HAT1: variants seen among roughly 807,000 people sequenced by gnomAD.
HAT1 encodes the protein histone acetyltransferase 1, also known as histone acetyltransferase type B catalytic subunit.
HAT1 carries 20 observed loss-of-function variants against 56.6 expected under a neutral mutation model. The observed-to-expected ratio is 0.35, with a 90% CI of 0.25 to 0.51. HAT1 has a LOEUF of 0.51. Ranked by LOEUF, HAT1 falls within the 20% of genes least tolerant of loss-of-function variation. The pLI, the probability that HAT1 is intolerant of heterozygous loss-of-function variation, is 0.95. For synonymous variants in HAT1, 146 were observed against 165.5 expected, an observed-to-expected ratio of 0.88 and a Z score of 0.91; for missense variants, 408 against 504.3, an observed-to-expected ratio of 0.81 and a Z score of 1.83.
intron 2 of HAT1, among the ~76,000 whole-genome samples, chr2:171,926,433 A>G (rs1182372838): frequency 2.0e-5 from 3 of 152,322 alleles, no homozygotes; most frequent in South Asian, 2.1e-4. Context: ...AGCTGGGATT[A>G]CAGGCATGCG....
At chr2:171,938,076 T>TCTCTCTCTCTCTCTC (rs1574039412) in intron 2 of HAT1, among the ~76,000 whole-genome samples, 1 of 63,654 alleles carries the variant, frequency 1.6e-5, no homozygotes, top group Non-Finnish European at 3.2e-5. Flanking sequence ...CTCTCTCTCT[T>TCTCTCTCTCTCTCTC]TAAATGAACT....
chr2:171,962,411 T>C (rs2105332819), intron 4 of HAT1, among the ~76,000 whole-genome samples: 1 of 152,356 alleles, frequency 6.6e-6, no homozygotes, highest in South Asian at 2.1e-4. Context: ...GTTTCTTTTT[T>C]TGAGACGGAG....
intron 8 of HAT1, among the ~76,000 whole-genome samples, chr2:171,972,933 C>T (rs890207933): frequency 4.6e-5 from 7 of 152,184 alleles, no homozygotes; most frequent in African/African-American, 1.7e-4. Context: ...TTGAAATCTC[C>T]TTTGGCCTGC....
chr2:171,969,547 GCTTAT>G (rs1468928343), intron 8 of HAT1, among the ~76,000 whole-genome samples: 1 of 152,052 alleles, frequency 6.6e-6, no homozygotes, highest in East Asian at 1.9e-4. Context: ...TAAATATGTT[GCTTAT>G]CTTTGTAGCA....
At chr2:171,966,556 G>T (rs768149634) in intron 7 of HAT1, 43 bp downstream of exon 7, 1 of 892,218 alleles carries the variant, frequency 1.1e-6, no homozygotes, top group Non-Finnish European at 1.9e-6. Context: ...TATTTCAGAA[G>T]AAGGAACTGC....
chr2:171,982,116 G>A (rs937275959), intron 10 of HAT1, among the ~76,000 whole-genome samples: 1 of 152,082 alleles, frequency 6.6e-6, no homozygotes, highest in African/African-American at 2.4e-5. Flanking sequence ...GTTCATAAGT[G>A]CAAGTATTTT....
At chr2:171,958,244 A>G (rs1687492587) in intron 4 of HAT1, among the ~76,000 whole-genome samples, 1 of 152,010 alleles carries the variant, frequency 6.6e-6, no homozygotes, top group African/African-American at 2.4e-5. Context: ...ATATAATAAT[A>G]TCCTGATTAA....
chr2:171,975,686 G>A (rs1272613032), intron 8 of HAT1, among the ~76,000 whole-genome samples: 2 of 151,888 alleles, frequency 1.3e-5, no homozygotes, highest in South Asian at 2.1e-4. Context: ...TGTGATTTTT[G>A]TAAAGTTGGT....
At chr2:171,948,092 T>C (rs1687216940) in intron 3 of HAT1, among the ~76,000 whole-genome samples, 1 of 152,262 alleles carries the variant, frequency 6.6e-6, no homozygotes, top group Non-Finnish European at 1.5e-5. Context: ...CTACATTTGC[T>C]TTAATCATTC....
At chr2:171,961,993 G>A (rs948811181) in intron 4 of HAT1, among the ~76,000 whole-genome samples, 7 of 151,256 alleles carry the variant, frequency 4.6e-5, no homozygotes, top group African/African-American at 1.5e-4. Flanking sequence ...CCTACTTAAC[G>A]TGCCTTTAAT....
At chr2:171,970,293 C>T (rs1321582596) in intron 8 of HAT1, among the ~76,000 whole-genome samples, 5 of 151,184 alleles carry the variant, frequency 3.3e-5, no homozygotes, top group African/African-American at 9.7e-5. Context: ...TGGTGGCATG[C>T]ACTTGTAGTC....
chr2:171,973,496 T>G (rs1687869917), intron 8 of HAT1, among the ~76,000 whole-genome samples: 1 of 151,482 alleles, frequency 6.6e-6, no homozygotes, highest in Non-Finnish European at 1.5e-5. Flanking sequence ...TCTTAACAAT[T>G]CAGAATCCTC....
intron 2 of HAT1, among the ~76,000 whole-genome samples, chr2:171,932,525 C>T (rs1203317527): frequency 6.6e-6 from 1 of 152,074 alleles, no homozygotes; most frequent in African/African-American, 2.4e-5. Flanking sequence ...TCTATTTTAT[C>T]TAACTTTCTT....
At chr2:171,934,446 CAGTA>C (rs1686816525) in intron 2 of HAT1, among the ~76,000 whole-genome samples, 1 of 152,128 alleles carries the variant, frequency 6.6e-6, no homozygotes, top group Non-Finnish European at 1.5e-5. Context: ...GGAATTGCTG[CAGTA>C]AGTTAGAAGG....
At chr2:171,966,295 C>G (rs1687681386) in intron 6 of HAT1, 114 bp from the exon 7 acceptor site, 4 of 715,028 alleles carry the variant, frequency 5.6e-6, no homozygotes, top group Non-Finnish European at 1.0e-5. Flanking sequence ...CCATTGGGCC[C>G]TCACAGAGTA....
chr2:171,937,146 G>C (rs752440553), intron 2 of HAT1, among the ~76,000 whole-genome samples: 14 of 151,382 alleles, frequency 9.2e-5, no homozygotes, highest in East Asian at 1.9e-4. Context: ...GTAGAGATGG[G>C]GTTTTGCCGT....
chr2:171,925,564 T>C lies in HAT1; in HGVS notation c.35T>C (p.Val12Ala). 4.5e-6 allele frequency: 7 copies of C among 1,563,974 alleles called. No homozygotes were observed. The highest frequency in any genetic ancestry group is 6.2e-6 in the Non-Finnish European group (7 of 1,134,560). The change falls in exon 2 of 11, where the codon GTA (valine) becomes GCA (alanine). Residue 12 changes from valine (V) to alanine (A), a missense_variant. By Grantham distance (64) the Val-to-Ala change is moderately conservative (BLOSUM62 0). Transcript: ENST00000264108. ...AGFGAMEKFLVEYKSAVEKKL... is the reference protein window; with the variant it reads ...AGFGAMEKFLAEYKSAVEKKL... The stretch of plus-strand genomic sequence containing the variant: ...TTTGGTGCTATGGAGAAATTTTTGG[T>C]AGAATATAAGAGTGCAGTGGAGAAG...
intron 3 of HAT1, among the ~76,000 whole-genome samples, chr2:171,947,298 A>G (rs763598745): frequency 1.3e-5 from 2 of 152,164 alleles, no homozygotes; most frequent in Non-Finnish European, 2.9e-5. Context: ...TGTGTCACCC[A>G]GGCTGGAGTG....
chr2:171,959,543 T>C (rs1687525396), intron 4 of HAT1, among the ~76,000 whole-genome samples: 1 of 152,254 alleles, frequency 6.6e-6, no homozygotes, highest in Admixed American at 6.5e-5. Context: ...TTTTATAATG[T>C]CTCTTTGTAG....
Sources: gnomAD v4.1 joint callset for allele counts (sites outside exome capture counted in the v4.1 genomes callset) on GRCh38, gnomAD v4.1.1 for gene constraint, MANE v1.5 for transcripts, NCBI Gene and HGNC (gene_info 2026-07-23, HGNC 2026-07-21) for gene names.